TP63: variants seen among roughly 807,000 people sequenced by gnomAD.
TP63 encodes the protein tumor protein p63.
A neutral mutation model predicts 82.8 loss-of-function variants in TP63; 17 were observed. The ratio of observed to expected loss-of-function variants is 0.21; its 90% CI spans 0.14 to 0.31. The LOEUF is 0.31. TP63 is among the 10% of genes least tolerant of loss of function. TP63 has a pLI of 1.00. For synonymous variants in TP63, 330 were observed against 321.7 expected (o/e 1.03, Z -0.28); for missense variants, 648 against 895.3 (o/e 0.72, Z 3.52).
At chr3:189,745,824 A>G (rs541124216) in intron 3 of TP63, among the ~76,000 whole-genome samples, 165 of 151,778 alleles carry the variant, frequency 1.1e-3, no homozygotes, top group Admixed American at 1.8e-3. Flanking sequence ...AGCAGAAGAA[A>G]GGATCTCAGA....
chr3:189,658,253 C>T (rs9834994), intron 1 of TP63, among the ~76,000 whole-genome samples: 136,256 of 152,014 alleles, frequency 0.9, 62,438 homozygotes, highest in Non-Finnish European at 0.98. Flanking sequence ...ATTCATGATT[C>T]CACACTAATA....
At chr3:189,841,772 C>CA (rs1714154810) in intron 4 of TP63, among the ~76,000 whole-genome samples, 1 of 152,134 alleles carries the variant, frequency 6.6e-6, no homozygotes, top group African/African-American at 2.4e-5. Flanking sequence ...TTTTAAAAGA[C>CA]AATCAAAGAG....
intron 1 of TP63, among the ~76,000 whole-genome samples, chr3:189,718,697 TAAAG>T (rs1719147116): frequency 6.6e-6 from 1 of 151,968 alleles, no homozygotes; most frequent in Non-Finnish European, 1.5e-5. Context: ...TTTCAATTGT[TAAAG>T]AAACATGTAA....
chr3:189,610,006 T>C, the TP63 span, among the ~76,000 whole-genome samples: 285 of 152,264 alleles, frequency 1.9e-3, 3 homozygotes, highest in African/African-American at 6.7e-3. Flanking sequence ...CAACGGAGTA[T>C]GTGTTCCCTT....
At chr3:189,657,615 A>G (rs1172742506) in intron 1 of TP63, among the ~76,000 whole-genome samples, 1 of 152,148 alleles carries the variant, frequency 6.6e-6, no homozygotes, top group South Asian at 2.1e-4. Flanking sequence ...AAACAAATGG[A>G]TGGTACATGG....
At chr3:189,709,033 G>C (rs904065943) in intron 1 of TP63, among the ~76,000 whole-genome samples, 5 of 152,084 alleles carry the variant, frequency 3.3e-5, no homozygotes, top group Admixed American at 3.3e-4. Flanking sequence ...TCCCCATATA[G>C]TTAGTTAGAT....
chr3:189,631,151 A>C, upstream of TP63: 1 of 826,960 alleles, frequency 1.2e-6, no homozygotes, highest in Non-Finnish European at 1.5e-6. Flanking sequence ...CAATCACGAC[A>C]GAGATCAGAA....
upstream of TP63, among the ~76,000 whole-genome samples, chr3:189,626,499 G>A (rs1729323056): frequency 6.6e-6 from 1 of 152,182 alleles, no homozygotes; most frequent in Non-Finnish European, 1.5e-5. Context: ...GTCACAGGCT[G>A]CCAGAGCTCT....
intron 3 of TP63, among the ~76,000 whole-genome samples, chr3:189,779,168 C>T (rs993758381): frequency 3.9e-5 from 6 of 152,180 alleles, no homozygotes; most frequent in Non-Finnish European, 7.3e-5. Flanking sequence ...ACTAAAGTAG[C>T]TTTCAATCTT....
At chr3:189,611,323 T>G in the TP63 span, among the ~76,000 whole-genome samples, 1 of 152,216 alleles carries the variant, frequency 6.6e-6, no homozygotes. Flanking sequence ...TTTTCGTATA[T>G]GGTTTAAGGA....
intron 1 of TP63, among the ~76,000 whole-genome samples, chr3:189,634,513 T>C (rs1041651088): frequency 6.6e-6 from 1 of 152,056 alleles, no homozygotes; most frequent in African/African-American, 2.4e-5. Context: ...ATTACCATAT[T>C]GAGCATTTAG....
chr3:189,789,617 T>C, intron 3 of TP63: 2 of 1,328,258 alleles, frequency 1.5e-6, no homozygotes, highest in Non-Finnish European at 1.9e-6. Context: ...CGCCTCCTCA[T>C]GCCTATAGTT....
intron 1 of TP63, among the ~76,000 whole-genome samples, chr3:189,677,991 G>T (rs552262408): frequency 6.6e-6 from 1 of 152,056 alleles, no homozygotes; most frequent in South Asian, 2.1e-4. Flanking sequence ...GTAGATTTTG[G>T]ATATTATTCC....
chr3:189,831,442 C>A (rs1470723667), intron 4 of TP63, among the ~76,000 whole-genome samples: 1 of 151,988 alleles, frequency 6.6e-6, no homozygotes, highest in Non-Finnish European at 1.5e-5. Flanking sequence ...ATGCACAGGT[C>A]ATTTTCATTT....
chr3:189,894,317 C>A lies in TP63; in HGVS notation c.1858C>A (p.Pro620Thr), dbSNP rs1721306167. Residue 620 changes from proline (P) to threonine (T), a missense_variant, in exon 14 of 14, where the codon CCA becomes ACA. Physicochemically the swap from Pro to Thr is conservative, Grantham distance 38 (BLOSUM62 -1). Coordinates refer to ENST00000264731, the MANE Select transcript of TP63 (RefSeq NM_003722.5). The part of the protein sequence containing the change: ...FSSPSHLLRT[P>T]SSASTVSVGS... ...CTCCCCTTCTCATCTCCTGCGGACC[C>A]CAAGCAGTGCCTCTACAGTCAGTGT... 1 of 1,613,938 alleles carries A rather than the reference C, an allele frequency of 6.2e-7. No homozygotes were observed. Among genetic ancestry groups the A allele is most frequent in the East Asian group, 2.2e-5 (1 of 44,830 alleles).
intron 4 of TP63, among the ~76,000 whole-genome samples, chr3:189,810,201 G>A (rs967838270): frequency 6.6e-6 from 1 of 152,168 alleles, no homozygotes; most frequent in Non-Finnish European, 1.5e-5. Flanking sequence ...TACTGCAGGT[G>A]AGTAAACTTA....
intron 1 of TP63, among the ~76,000 whole-genome samples, chr3:189,636,472 C>T (rs954518594): frequency 3.3e-5 from 5 of 152,074 alleles, no homozygotes; most frequent in Admixed American, 6.6e-5. Flanking sequence ...CTTTAGTGTA[C>T]GGTAAGTTCT....
At chr3:189,611,516 T>C in the TP63 span, among the ~76,000 whole-genome samples, 1 of 152,236 alleles carries the variant, frequency 6.6e-6, no homozygotes, top group African/African-American at 2.4e-5. Context: ...TCTGTTTATG[T>C]ACCATGCTGT....
chr3:189,880,940 CTG>C, intron 10 of TP63: 1 of 985,358 alleles, frequency 1.0e-6, no homozygotes, highest in Non-Finnish European at 1.2e-6. Context: ...TACAAAAAAA[CTG>C]TTGTTTGGCC....
Sources: allele counts gnomAD v4.1 joint callset (sites outside exome capture counted in the v4.1 genomes callset), GRCh38; gene constraint gnomAD v4.1.1; transcripts MANE v1.5; gene names NCBI Gene and HGNC (gene_info 2026-07-23, HGNC 2026-07-21).